RBFOX1: variants seen among roughly 807,000 people sequenced by gnomAD.
RBFOX1 encodes RNA binding fox-1 homolog 1, also known as RNA binding protein fox-1 homolog 1.
A neutral mutation model predicts 57.7 loss-of-function variants in RBFOX1; 8 were observed. The observed-to-expected ratio is 0.14, with a 90% confidence interval of 0.08 to 0.25. The LOEUF (loss-of-function observed/expected upper bound fraction) is 0.25. Ranked by LOEUF, RBFOX1 falls within the 10% of genes least tolerant of loss-of-function variation. The probability of loss-of-function intolerance (pLI) is 1.00; values close to 1 mark genes in which losing one functional copy is unlikely to be tolerated. For missense variants in RBFOX1, 611 were observed against 548.5 expected (o/e 1.11, Z -1.14); for synonymous variants, 326 against 222.4 (o/e 1.47, Z -4.15).
intron 4 of RBFOX1, among the ~76,000 whole-genome samples, chr16:7,170,784 C>T (rs562787516): frequency 3.7e-4 from 57 of 152,084 alleles, no homozygotes; most frequent in African/African-American, 1.3e-3. Flanking sequence ...TTAGGGAAAA[C>T]ATGTAGCTTA....
At chr16:5,387,122 C>T (rs1264857710) in intron 1 of RBFOX1, among the ~76,000 whole-genome samples, 1 of 152,162 alleles carries the variant, frequency 6.6e-6, no homozygotes, top group Non-Finnish European at 1.5e-5. Flanking sequence ...TGAGCTGTCT[C>T]CCCACAAGGC....
intron 3 of RBFOX1, among the ~76,000 whole-genome samples, chr16:6,916,698 A>T (rs1162352994): frequency 1.3e-5 from 2 of 152,086 alleles, no homozygotes; most frequent in Admixed American, 6.6e-5. Context: ...GGCCGCAGTT[A>T]TGCCCATTCC....
chr16:6,967,235 A>G (rs2084465234), intron 3 of RBFOX1, among the ~76,000 whole-genome samples: 1 of 151,998 alleles, frequency 6.6e-6, no homozygotes, highest in Non-Finnish European at 1.5e-5. Flanking sequence ...ATTTGTTTAT[A>G]CATTCATCTA....
chr16:6,075,936 T>G (rs914282464), intron 1 of RBFOX1, among the ~76,000 whole-genome samples: 3 of 152,304 alleles, frequency 2.0e-5, no homozygotes, highest in African/African-American at 7.2e-5. Flanking sequence ...GCAGGTACAT[T>G]TGATTATTAG....
At chr16:6,754,047 AC>A (rs1234818461) in intron 3 of RBFOX1, among the ~76,000 whole-genome samples, 1 of 152,050 alleles carries the variant, frequency 6.6e-6, no homozygotes, top group African/African-American at 2.4e-5. Context: ...CAATATACAT[AC>A]CCACTCTTCA....
At chr16:7,188,458 T>C (rs1023487098) in intron 4 of RBFOX1, among the ~76,000 whole-genome samples, 2 of 152,216 alleles carry the variant, frequency 1.3e-5, no homozygotes, top group African/African-American at 4.8e-5. Context: ...AGCTGCATGT[T>C]ACAGAGGTCT....
At chr16:7,324,824 C>T (rs2096590845) in intron 4 of RBFOX1, among the ~76,000 whole-genome samples, 1 of 152,022 alleles carries the variant, frequency 6.6e-6, no homozygotes, top group African/African-American at 2.4e-5. Context: ...ACCCAGGGTC[C>T]TGGATTCTTT....
chr16:5,606,072 C>G (rs2047567478), intron 3 of RBFOX1, among the ~76,000 whole-genome samples: 1 of 152,200 alleles, frequency 6.6e-6, no homozygotes, highest in Admixed American at 6.5e-5. Context: ...TGGCATGTCT[C>G]TAGTTGACCC....
At chr16:5,757,481 C>A (rs531460775) in intron 3 of RBFOX1, among the ~76,000 whole-genome samples, 1 of 152,092 alleles carries the variant, frequency 6.6e-6, no homozygotes, top group Admixed American at 6.5e-5. Flanking sequence ...CTGCCCTCCT[C>A]AGCCTCCAAA....
intron 3 of RBFOX1, among the ~76,000 whole-genome samples, chr16:5,680,741 G>C (rs893378368): frequency 4.6e-5 from 7 of 152,174 alleles, no homozygotes; most frequent in Admixed American, 1.3e-4. Flanking sequence ...TTTACACTCC[G>C]GGTGAAGCTG....
intron 3 of RBFOX1, among the ~76,000 whole-genome samples, chr16:5,656,549 C>G (rs755441475): frequency 1.4e-4 from 22 of 152,162 alleles, no homozygotes; most frequent in Non-Finnish European, 5.9e-5. Flanking sequence ...ACATCTTACA[C>G]CATAAACCTG....
At chr16:6,922,732 G>A (rs2074750826) in intron 3 of RBFOX1, among the ~76,000 whole-genome samples, 1 of 152,140 alleles carries the variant, frequency 6.6e-6, no homozygotes, top group African/African-American at 2.4e-5. Flanking sequence ...AGCCTTCTGA[G>A]ATTTTAAACA....
Position 5,660,760 on chromosome 16 carries a change from C to T in RBFOX1, c.318+61799C>T, listed in dbSNP as rs189384767. Among the ~76,000 whole-genome samples the T allele has an allele frequency of 3.8e-3, 575 of 152,170 alleles. 2 individuals are homozygous for T. The highest frequency in any genetic ancestry group is 6.2e-3 in the Non-Finnish European group (423 of 68,024). ...GGGCCATGAATGACGCTTTAAGATG[C>T]CTGCTATGCCGGAGAGGTGAGCTGA... On this transcript the variant is annotated intron_variant, in intron 3 of 19. Transcript: ENST00000641259.
intron 3 of RBFOX1, among the ~76,000 whole-genome samples, chr16:5,817,968 G>A (rs1179351820): frequency 6.6e-6 from 1 of 151,910 alleles, no homozygotes; most frequent in African/African-American, 2.4e-5. Context: ...GGGATTACGG[G>A]CGTGAGCCAC....
At chr16:7,442,822 G>A (rs1018068672) in intron 4 of RBFOX1, among the ~76,000 whole-genome samples, 3 of 152,152 alleles carry the variant, frequency 2.0e-5, no homozygotes, top group Admixed American at 6.5e-5. Flanking sequence ...CAGGGTGGCT[G>A]GGTGATTTGT....
chr16:7,183,286 G>C (rs2083087337), intron 4 of RBFOX1, among the ~76,000 whole-genome samples: 1 of 152,170 alleles, frequency 6.6e-6, no homozygotes, highest in African/African-American at 2.4e-5. Context: ...CCAATGACAA[G>C]TGTATCGTGC....
intron 1 of RBFOX1, among the ~76,000 whole-genome samples, chr16:6,022,871 C>T (rs1003201176): frequency 2.6e-5 from 4 of 152,142 alleles, no homozygotes; most frequent in African/African-American, 9.7e-5. Context: ...GGCAAGAACA[C>T]AACATGGGCT....
At chr16:6,311,076 C>G (rs2080225142) in intron 1 of RBFOX1, among the ~76,000 whole-genome samples, 1 of 151,904 alleles carries the variant, frequency 6.6e-6, no homozygotes, top group Non-Finnish European at 1.5e-5. Flanking sequence ...GCGGGCAAAT[C>G]ACAAGGTCAG....
chr16:6,775,740 C>G (rs1001028037), intron 3 of RBFOX1: 2 of 152,148 alleles, frequency 1.3e-5, no homozygotes, highest in Non-Finnish European at 2.9e-5. Context: ...AAGGTGTGAA[C>G]CAGCAAACGG....
Sources: gnomAD v4.1 joint callset for allele counts (sites outside exome capture counted in the v4.1 genomes callset) on GRCh38, gnomAD v4.1.1 for gene constraint, MANE v1.5 for transcripts, NCBI Gene and HGNC (gene_info 2026-07-23, HGNC 2026-07-21) for gene names.